GRM1: variants seen among roughly 807,000 people sequenced by gnomAD.
The protein encoded by GRM1 is metabotropic glutamate receptor 1.
GRM1 carries 33 observed loss-of-function variants against 90.9 expected under a neutral mutation model. The ratio of observed to expected loss-of-function variants is 0.36; its 90% confidence interval spans 0.28 to 0.49. The LOEUF is 0.49. Among genes scored for constraint, GRM1 ranks in the 20% least tolerant of loss-of-function variants. The pLI is 0.99. For missense variants in GRM1, 1,190 were observed against 1,534.3 expected (o/e 0.78, Z 3.75); for synonymous variants, 700 against 613.2 (o/e 1.14, Z -2.09).
intron 2 of GRM1, among the ~76,000 whole-genome samples, chr6:146,191,483 A>G (rs1029759896): frequency 6.6e-6 from 1 of 152,316 alleles, no homozygotes. Context: ...TTTCTCAGCT[A>G]TCTTTCTTAA....
intron 2 of GRM1, among the ~76,000 whole-genome samples, chr6:146,299,529 T>C (rs1555084): frequency 0.38 from 57,540 of 152,062 alleles, 15,028 homozygotes; most frequent in African/African-American, 0.75. Context: ...AAGACCCTTC[T>C]TAATACATTA....
intron 6 of GRM1, among the ~76,000 whole-genome samples, chr6:146,390,129 G>T (rs962830570): frequency 1.3e-5 from 2 of 151,916 alleles, no homozygotes; most frequent in African/African-American, 4.8e-5. Context: ...TTGAAAAATA[G>T]TGTATTCTAC....
intron 2 of GRM1, among the ~76,000 whole-genome samples, chr6:146,191,276 A>G (rs1385167558): frequency 6.6e-6 from 1 of 151,988 alleles, no homozygotes; most frequent in African/African-American, 2.4e-5. Context: ...GGTGATCCCT[A>G]CTGGATTGTG....
intron 3 of GRM1, among the ~76,000 whole-genome samples, chr6:146,327,811 C>T (rs902221702): frequency 1.3e-5 from 2 of 152,142 alleles, no homozygotes; most frequent in Non-Finnish European, 2.9e-5. Context: ...GTCCACCTCA[C>T]CCCCCACTTT....
chr6:146,323,884 C>T (rs988271489), intron 3 of GRM1, among the ~76,000 whole-genome samples: 2 of 152,132 alleles, frequency 1.3e-5, no homozygotes, highest in African/African-American at 2.4e-5. Context: ...TCAGGTTTGT[C>T]AAAGATCAGA....
intron 2 of GRM1, among the ~76,000 whole-genome samples, chr6:146,208,265 C>CAT (rs1403526120): frequency 6.6e-6 from 1 of 152,150 alleles, no homozygotes; most frequent in Admixed American, 6.5e-5. Flanking sequence ...AATGGCATAA[C>CAT]ATGCTTTCAA....
chr6:146,165,327 A>G lies in GRM1; in HGVS notation c.950+5730A>G, dbSNP rs186646364. 3.8e-4 allele frequency among the ~76,000 whole-genome samples: 58 copies of G among 152,256 alleles called. No individual in the cohort carries two copies. In the East Asian group the frequency reaches 9.3e-3, roughly 24 times the overall value. On this transcript the variant is annotated intron_variant, in intron 2 of 7. Coordinates refer to ENST00000282753, the MANE Select transcript of GRM1 (RefSeq NM_001278064.2). Reference sequence around the variant, plus strand: ...CTATATCCTTGAAACATAAGATTATATACCACGGTGTTATGTTTCATATAC... The same window carrying G: ...CTATATCCTTGAAACATAAGATTATGTACCACGGTGTTATGTTTCATATAC...
At chr6:146,147,243 A>G (rs181809634) in intron 1 of GRM1, among the ~76,000 whole-genome samples, 3 of 152,356 alleles carry the variant, frequency 2.0e-5, no homozygotes, top group Non-Finnish European at 4.4e-5. Context: ...AGTCTGAAAC[A>G]TAGAACGTGT....
chr6:146,089,733 C>T (rs990441150), intron 1 of GRM1, among the ~76,000 whole-genome samples: 2 of 152,084 alleles, frequency 1.3e-5, no homozygotes, highest in Non-Finnish European at 2.9e-5. Flanking sequence ...TCACATGCTA[C>T]CAGCAATGTG....
At chr6:146,140,090 A>ATTCT (rs766023029) in intron 1 of GRM1, among the ~76,000 whole-genome samples, 10,261 of 57,648 alleles carry the variant, frequency 0.18, 1,160 homozygotes, top group African/African-American at 0.2. Flanking sequence ...TTCTTTCTTT[A>ATTCT]TTCTTTCTTT....
intron 1 of GRM1, among the ~76,000 whole-genome samples, chr6:146,061,586 T>G (rs997614354): frequency 2.0e-5 from 3 of 151,980 alleles, no homozygotes; most frequent in Non-Finnish European, 4.4e-5. Context: ...AGGGCTAATA[T>G]CCGGAATCTA....
At chr6:146,281,260 A>C (rs1043698412) in intron 2 of GRM1, among the ~76,000 whole-genome samples, 1 of 152,136 alleles carries the variant, frequency 6.6e-6, no homozygotes, top group African/African-American at 2.4e-5. Context: ...AAGTAAACTA[A>C]CCAGAGACTC....
intron 2 of GRM1, among the ~76,000 whole-genome samples, chr6:146,221,153 A>C (rs1292074791): frequency 2.0e-5 from 3 of 152,170 alleles, no homozygotes; most frequent in Non-Finnish European, 2.9e-5. Flanking sequence ...GTGTAGACTT[A>C]GACCAGAGGT....
chr6:146,412,478 A>C (rs1417433389), intron 7 of GRM1, among the ~76,000 whole-genome samples: 1 of 152,136 alleles, frequency 6.6e-6, no homozygotes, highest in Non-Finnish European at 1.5e-5. Context: ...TAGAGATGAC[A>C]ATACCCACAT....
At chr6:146,121,918 G>A (rs1776003223) in intron 1 of GRM1, among the ~76,000 whole-genome samples, 2 of 152,128 alleles carry the variant, frequency 1.3e-5, no homozygotes, top group Non-Finnish European at 2.9e-5. Flanking sequence ...GTTGATTTGG[G>A]GTGAAGAGTT....
intron 1 of GRM1, among the ~76,000 whole-genome samples, chr6:146,120,643 G>C (rs539043349): frequency 1.0e-3 from 154 of 152,172 alleles, no homozygotes; most frequent in Middle Eastern, 6.8e-3. Flanking sequence ...AGTTTTTAGC[G>C]TGAAGAGTTG....
intron 1 of GRM1, among the ~76,000 whole-genome samples, chr6:146,063,575 T>TA (rs1001118503): frequency 2.4e-4 from 36 of 152,100 alleles, no homozygotes; most frequent in African/African-American, 7.2e-4. Flanking sequence ...TTCTACATAA[T>TA]AAAAAAAACC....
At chr6:146,132,356 G>A (rs534700263) in intron 1 of GRM1, among the ~76,000 whole-genome samples, 6 of 152,292 alleles carry the variant, frequency 3.9e-5, no homozygotes, top group Admixed American at 3.9e-4. Flanking sequence ...ATTAAGGTAA[G>A]ATAATACAGA....
chr6:146,168,046 T>C (rs1185886114), intron 2 of GRM1, among the ~76,000 whole-genome samples: 1 of 152,078 alleles, frequency 6.6e-6, no homozygotes, highest in Non-Finnish European at 1.5e-5. Flanking sequence ...TTTTTGTATA[T>C]GTTGTGACAT....
Sources: allele counts gnomAD v4.1 joint callset (sites outside exome capture counted in the v4.1 genomes callset), GRCh38; gene constraint gnomAD v4.1.1; transcripts MANE v1.5; gene names NCBI Gene and HGNC (gene_info 2026-07-23, HGNC 2026-07-21).